The following MAP2 variants were observed in gnomAD, a reference collection of about 807,000 sequenced individuals.
The protein encoded by MAP2 is microtubule associated protein 2, also known as microtubule-associated protein 2.
Under a neutral mutation model 137.6 loss-of-function variants are expected in MAP2, and 14 were observed. The observed-to-expected ratio is 0.10, with a 90% CI of 0.07 to 0.16. MAP2 has a LOEUF of 0.16. Ranked by LOEUF, MAP2 falls within the 10% of genes least tolerant of loss-of-function variation. The probability of loss-of-function intolerance (pLI) is 1.00; values close to 1 mark genes in which losing one functional copy is unlikely to be tolerated. For missense variants in MAP2, 2,088 were observed against 2,191.5 expected (o/e 0.95, Z 0.94); for synonymous variants, 786 against 782.3 (o/e 1.00, Z -0.08).
chr2:209,555,654 C>A (rs2070392263), intron 2 of MAP2, among the ~76,000 whole-genome samples: 1 of 152,116 alleles, frequency 6.6e-6, no homozygotes, highest in Non-Finnish European at 1.5e-5. Flanking sequence ...AAGTTTATTT[C>A]TTTTATTTAT....
chr2:209,511,725 C>G (rs2061747850), intron 2 of MAP2, among the ~76,000 whole-genome samples: 1 of 151,896 alleles, frequency 6.6e-6, no homozygotes, highest in Admixed American at 6.6e-5. Flanking sequence ...GTGTGTGCCA[C>G]CATTCCTGGC....
chr2:209,690,875 G>C (rs997625316), intron 7 of MAP2: 1 of 1,251,008 alleles, frequency 8.0e-7, no homozygotes, highest in African/African-American at 1.6e-5. Flanking sequence ...ATTTGCATGT[G>C]TTTTGTTGCA....
Position 209,626,653 on chromosome 2 carries a change from C to T in MAP2, c.-30+1524C>T, listed in dbSNP as rs574370412. Among the ~76,000 whole-genome samples, 3 of 152,214 alleles carry T rather than the reference C, an allele frequency of 2.0e-5. No individual in the cohort carries two copies. The South Asian group carries it at 6.2e-4, about 32-fold the overall frequency. ...ACATGTGTAAGAAACAAATGTTGAA[C>T]AATTATTAACATTTTAAAAGTTTAC... On this transcript the variant is annotated intron_variant, in intron 4 of 15. Transcript: ENST00000682079.
At chr2:209,565,580 A>AAC (rs1288162398) in intron 2 of MAP2, among the ~76,000 whole-genome samples, 16 of 152,150 alleles carry the variant, frequency 1.1e-4, no homozygotes, top group Non-Finnish European at 2.2e-4. Flanking sequence ...ATTTCCATCC[A>AAC]TGATTTATAG....
At chr2:209,489,079 T>A (rs970664086) in intron 1 of MAP2, among the ~76,000 whole-genome samples, 1 of 152,148 alleles carries the variant, frequency 6.6e-6, no homozygotes, top group Non-Finnish European at 1.5e-5. Flanking sequence ...GGGACAAAGC[T>A]TCCAGAGAAA....
intron 3 of MAP2, among the ~76,000 whole-genome samples, chr2:209,605,261 A>G (rs999793100): frequency 1.3e-5 from 2 of 152,174 alleles, no homozygotes; most frequent in African/African-American, 2.4e-5. Flanking sequence ...TTATGGAAAT[A>G]GATTTATTCA....
intron 5 of MAP2, among the ~76,000 whole-genome samples, chr2:209,667,829 T>C (rs2047014941): frequency 6.6e-6 from 1 of 151,960 alleles, no homozygotes; most frequent in South Asian, 2.1e-4. Flanking sequence ...GGACCGGCCC[T>C]ATGCAGAATT....
At chr2:209,521,635 G>A (rs2150398417) in intron 2 of MAP2, among the ~76,000 whole-genome samples, 1 of 152,040 alleles carries the variant, frequency 6.6e-6, no homozygotes. Context: ...ACAGTTAAGA[G>A]ACTTTGCAAT....
chr2:209,538,126 G>T (rs370109260), intron 2 of MAP2, among the ~76,000 whole-genome samples: 1 of 152,080 alleles, frequency 6.6e-6, no homozygotes, highest in East Asian at 1.9e-4. Flanking sequence ...AAATCTGTTG[G>T]TTATTTTTTG....
intron 1 of MAP2, among the ~76,000 whole-genome samples, chr2:209,462,905 C>T (rs1703178833): frequency 6.6e-6 from 1 of 152,006 alleles, no homozygotes; most frequent in South Asian, 2.1e-4. Context: ...TTTGGGAGCC[C>T]AATCTCTTTA....
chr2:209,595,967 CA>C (rs1036747535), intron 3 of MAP2, among the ~76,000 whole-genome samples: 5 of 151,930 alleles, frequency 3.3e-5, no homozygotes, highest in African/African-American at 1.2e-4. Context: ...GGGTAGGAGG[CA>C]GGGGGAGGGA....
chr2:209,561,847 C>A (rs2153349192), intron 2 of MAP2, among the ~76,000 whole-genome samples: 1 of 152,124 alleles, frequency 6.6e-6, no homozygotes, highest in South Asian at 2.1e-4. Flanking sequence ...TTATCCAGAC[C>A]ACCAACTTAA....
chr2:209,681,943 CT>C (rs1014259210), intron 7 of MAP2, among the ~76,000 whole-genome samples: 7 of 150,790 alleles, frequency 4.6e-5, no homozygotes, highest in Middle Eastern at 3.4e-3. Flanking sequence ...TAAATTGAAG[CT>C]TTTTTTTTCC....
chr2:209,568,561 A>G (rs1473616760), intron 2 of MAP2, among the ~76,000 whole-genome samples: 1 of 151,934 alleles, frequency 6.6e-6, no homozygotes, highest in Non-Finnish European at 1.5e-5. Context: ...GGAACAAGAG[A>G]GGTTTAAAAT....
chr2:209,594,023 C>T (rs1448456017), intron 3 of MAP2, among the ~76,000 whole-genome samples: 1 of 142,034 alleles, frequency 7.0e-6, no homozygotes, highest in African/African-American at 2.6e-5. Context: ...TGGCTTTCGC[C>T]TGTAGTCCCA....
chr2:209,528,261 A>G (rs938109453), intron 2 of MAP2, among the ~76,000 whole-genome samples: 4 of 152,168 alleles, frequency 2.6e-5, no homozygotes, highest in African/African-American at 9.7e-5. Flanking sequence ...GGTGAGCCAC[A>G]GCTCTTCAGG....
chr2:209,515,854 A>G (rs1364060818), intron 2 of MAP2, among the ~76,000 whole-genome samples: 1 of 152,148 alleles, frequency 6.6e-6, no homozygotes, highest in African/African-American at 2.4e-5. Context: ...TAGTGTGATC[A>G]TGGCTCACTG....
chr2:209,461,824 T>C (rs1702891456), intron 1 of MAP2, among the ~76,000 whole-genome samples: 1 of 152,188 alleles, frequency 6.6e-6, no homozygotes, highest in Admixed American at 6.5e-5. Flanking sequence ...AGCCTCTTCT[T>C]TTGCCACTCT....
chr2:209,632,409 TA>T lies in MAP2; in HGVS notation c.-30+7281del, dbSNP rs371383230. 2.1e-4 allele frequency among the ~76,000 whole-genome samples: 32 copies of T among 152,252 alleles called. No individual in the cohort carries two copies. In the East Asian group the frequency reaches 6.0e-3, roughly 28 times the overall value. ...GATATTTAGAAGAAGGAATCATGCC[TA>T]TCATGAACCAAGGTTGTTATTACAG... On this transcript the variant is annotated intron_variant, in intron 4 of 15. Coordinates refer to ENST00000682079, the MANE Select transcript of MAP2 (RefSeq NM_001375505.1).
Sources: allele counts gnomAD v4.1 joint callset (sites outside exome capture counted in the v4.1 genomes callset), GRCh38; gene constraint gnomAD v4.1.1; transcripts MANE v1.5; gene names NCBI Gene and HGNC (gene_info 2026-07-23, HGNC 2026-07-21).